DYNLL2: variants seen among roughly 807,000 people sequenced by gnomAD.
DYNLL2 encodes the protein dynein light chain LC8-type 2.
In DYNLL2, 1 loss-of-function variant was observed where a neutral mutation model predicts 9.7. The observed-to-expected ratio is 0.10, with a 90% CI of 0.04 to 0.49. The LOEUF is 0.49. Ranked by LOEUF, DYNLL2 falls within the 20% of genes least tolerant of loss-of-function variation. The probability of loss-of-function intolerance (pLI) is 0.95; values close to 1 mark genes in which losing one functional copy is unlikely to be tolerated. For missense variants in DYNLL2, 37 were observed against 115.2 expected, an observed-to-expected ratio of 0.32 and a Z score of 3.11; for synonymous variants, 35 against 40.5, an observed-to-expected ratio of 0.86 and a Z score of 0.52.
chr17:58,085,862 T>C (rs1427970870), intron 1 of DYNLL2, among the ~76,000 whole-genome samples: 1 of 152,236 alleles, frequency 6.6e-6, no homozygotes, highest in Admixed American at 6.5e-5. Context: ...AATAAGATAT[T>C]GTCTCCTAAC....
Position 58,094,249 on chromosome 17 carries a change from T to C in DYNLL2, c.*4970T>C, listed in dbSNP as rs1005415884. The stretch of plus-strand genomic sequence containing the variant: ...TTGATCTCTCAGATCCTCGATTTCT[T>C]CATCTGTAAGATGGAAACAATATGT... On this transcript the variant is annotated 3_prime_UTR_variant, in exon 3 of 3. Coordinates refer to ENST00000579991, the MANE Select transcript of DYNLL2 (RefSeq NM_080677.3). 11 of 152,206 alleles carry C rather than the reference T, an allele frequency of 7.2e-5. No individual in the cohort carries two copies. The highest frequency in any genetic ancestry group is 1.3e-4 in the Admixed American group (2 of 15,284). 9.4% of individuals were successfully genotyped at this position (152,206 alleles called of 1,614,324 possible).
intron 1 of DYNLL2, among the ~76,000 whole-genome samples, chr17:58,084,936 C>T (rs1461060502): frequency 6.6e-6 from 1 of 152,048 alleles, no homozygotes; most frequent in Non-Finnish European, 1.5e-5. Context: ...AACCTTTCTC[C>T]CTGTGCTGCT....
In DYNLL2 at chr17:58,087,230, G is replaced by T; in HGVS notation, c.132+8G>T. 6.2e-7 allele frequency: 1 copy of T among 1,612,700 alleles called. No individual in the cohort carries two copies. Among genetic ancestry groups the T allele is most frequent in the Non-Finnish European group, 8.5e-7 (1 of 1,178,730 alleles). ...GCTGCCTATATCAAGAAGGTGTGCT[G>T]GGAGAGCTGGGACTGATGGCCAGGG... On this transcript the variant is annotated splice_region_variant and intron_variant, in intron 2 of 2. Transcript: ENST00000579991.
In DYNLL2 at chr17:58,091,995, TAC is replaced by T. The variant is rs1362460069; in HGVS notation, c.*2723_*2724del. On this transcript the variant is annotated 3_prime_UTR_variant, in exon 3 of 3. Transcript: ENST00000579991. ...CACATTCTTATGTGTAGAGCAGACA[TAC>T]ACACACTGATCAACTTTTTCCAATA... The T allele has an allele frequency of 6.6e-6, 1 of 152,140 alleles. No individual in the cohort carries two copies. The highest frequency in any genetic ancestry group is 6.5e-5 in the Admixed American group (1 of 15,274). The allele number at this position is 152,140 out of a possible 1,614,324, so 9.4% of individuals were successfully genotyped here.
chr17:58,089,160 A>G lies in DYNLL2; in HGVS notation c.151A>G (p.Asn51Asp). The G allele has an allele frequency of 6.2e-7, 1 of 1,614,096 alleles. No homozygotes were observed. The highest frequency in any genetic ancestry group is 8.5e-7 in the Non-Finnish European group (1 of 1,179,988). Reference sequence around the variant, plus strand: ...TTTTTAGGAATTTGACAAGAAATATAACCCTACCTGGCATTGTATCGTGGG... The same window carrying G: ...TTTTTAGGAATTTGACAAGAAATATGACCCTACCTGGCATTGTATCGTGGG... ...YIKKEFDKKY[N>D]PTWHCIVGRN... is the part of the protein sequence containing the mutation. Residue 51 changes from asparagine to aspartate, a missense_variant, in exon 3 of 3, where the codon AAC (asparagine) becomes GAC (aspartate). Transcript: ENST00000579991.
At chr17:58,087,951 T>C (rs1193600733) in intron 2 of DYNLL2, among the ~76,000 whole-genome samples, 1 of 152,216 alleles carries the variant, frequency 6.6e-6, no homozygotes, top group African/African-American at 2.4e-5. Context: ...TTCTCAGCTC[T>C]GGCATCCCAA....
chr17:58,092,886 C>T lies in DYNLL2; in HGVS notation c.*3607C>T, dbSNP rs561941139. 2 of 152,378 alleles carry T rather than the reference C, an allele frequency of 1.3e-5. 1 individual carries two copies. The highest frequency in any genetic ancestry group is 4.1e-4 in the South Asian group (2 of 4,832). The allele number at this position is 152,378 out of a possible 1,614,324, so 9.4% of individuals were successfully genotyped here. The stretch of plus-strand genomic sequence containing the variant: ...TTCTCTCACCTCCTTTCAGTCTTTG[C>T]TCAAACATCCTTTTATCAGAGAGGC... On this transcript the variant is annotated 3_prime_UTR_variant, in exon 3 of 3. Transcript: ENST00000579991.
rs1555582626 is a variant in DYNLL2, at chr17:58,083,458, A to AGCGAGCGG, written c.-232_-231insAGCGGGCG. 7.6e-5 allele frequency: 10 copies of AGCGAGCGG among 131,906 alleles called. No homozygotes were observed. The highest frequency in any genetic ancestry group is 2.4e-4 in the East Asian group (1 of 4,180). The allele number at this position is 131,906 out of a possible 1,614,324, so 8.2% of individuals were successfully genotyped here. On this transcript the variant is annotated 5_prime_UTR_variant, in exon 1 of 3. Transcript: ENST00000579991. ...GCGGAGCTGTGAGGCGCCAGTGCGG[A>AGCGAGCGG]GCGGGCGGGCGGGCGGGCGGCGTGA...
At chr17:58,087,038 C>T (rs1268875353) in intron 1 of DYNLL2, 44 bp from the exon 2 acceptor site, 4 of 1,605,396 alleles carry the variant, frequency 2.5e-6, no homozygotes, top group Non-Finnish European at 3.4e-6. Flanking sequence ...GTTCACTGCC[C>T]AGAGCAAGGA....
At position 58,083,428 on chromosome 17, in the gene DYNLL2, G is replaced by A. The variant is rs1374969587; in HGVS notation, c.-265G>A. ...CGCGTCGGCCGCGCTCAGCGGCAGA[G>A]CGGAGCGGAGCTGTGAGGCGCCAGT... On this transcript the variant is annotated 5_prime_UTR_variant, in exon 1 of 3. Transcript: ENST00000579991. The A allele has an allele frequency of 6.8e-6, 1 of 147,808 alleles. No homozygotes were observed. The highest frequency in any genetic ancestry group is 1.5e-5 in the Non-Finnish European group (1 of 66,208). 9.2% of individuals were successfully genotyped at this position (147,808 alleles called of 1,614,324 possible). A position where few individuals can be genotyped will look rare whatever the true frequency, so the allele number is the denominator to read the frequency against.
At chr17:58,085,819 G>C (rs1308012232) in intron 1 of DYNLL2, among the ~76,000 whole-genome samples, 3 of 152,136 alleles carry the variant, frequency 2.0e-5, no homozygotes, top group African/African-American at 4.8e-5. Flanking sequence ...TGTTTTTTTA[G>C]GGGAAGGAAG....
At position 58,089,437 on chromosome 17, in the gene DYNLL2, C is replaced by T; in HGVS notation, c.*158C>T. 2 of 897,668 alleles carry T rather than the reference C, an allele frequency of 2.2e-6. No individual in the cohort carries two copies. The highest frequency in any genetic ancestry group is 3.2e-6 in the Non-Finnish European group (2 of 628,982). The allele number at this position is 897,668 out of a possible 1,614,324, so 55.6% of individuals were successfully genotyped here. On this transcript the variant is annotated 3_prime_UTR_variant, in exon 3 of 3. Coordinates refer to ENST00000579991, the MANE Select transcript of DYNLL2 (RefSeq NM_080677.3). ...GATTTCATGTGTATGTCGCAGTAAACAAAACCAAACCTCTTTCTGTTTAGT... is the reference window on the plus strand; with the variant it reads ...GATTTCATGTGTATGTCGCAGTAAATAAAACCAAACCTCTTTCTGTTTAGT...
Position 58,089,273 on chromosome 17 carries a change from A to G in DYNLL2, c.264A>G (p.Ser88=). ...LGQVAILLFK[S]G is the part of the protein sequence containing the mutation. The stretch of plus-strand genomic sequence containing the variant: ...AAGTTGCAATCCTCCTCTTCAAGTC[A>G]GGCTAGGTGGCCATGGTGAAGGTGT... The change falls in exon 3 of 3, where the codon TCA becomes TCG. Residue 88 remains serine (S), a synonymous_variant. Coordinates refer to ENST00000579991, the MANE Select transcript of DYNLL2 (RefSeq NM_080677.3). 3 of 1,612,870 alleles carry G rather than the reference A, an allele frequency of 1.9e-6. No homozygotes were observed. The highest frequency in any genetic ancestry group is 2.5e-6 in the Non-Finnish European group (3 of 1,179,324).
chr17:58,086,832 T>C (rs2075761720), intron 1 of DYNLL2, among the ~76,000 whole-genome samples: 1 of 152,152 alleles, frequency 6.6e-6, no homozygotes, highest in African/African-American at 2.4e-5. Context: ...AATTTTAGAG[T>C]TGGAAAATCT....
intron 1 of DYNLL2, among the ~76,000 whole-genome samples, chr17:58,085,063 A>G (rs1246124594): frequency 6.6e-6 from 1 of 152,240 alleles, no homozygotes; most frequent in Non-Finnish European, 1.5e-5. Context: ...TTCCTTGAAC[A>G]GGGTTCTCCG....
chr17:58,087,425 GGTGTGTGT>G (rs34847794), intron 2 of DYNLL2, among the ~76,000 whole-genome samples: 5 of 150,896 alleles, frequency 3.3e-5, no homozygotes, highest in African/African-American at 7.3e-5. Flanking sequence ...AGCTCTGCCA[GGTGTGTGT>G]GTGTGTGTGT....
Position 58,083,682 on chromosome 17 carries a change from AGGTGAGC to A in DYNLL2, c.-10+4_-10+10del. 1 of 152,504 alleles carries A rather than the reference AGGTGAGC, an allele frequency of 6.6e-6. No homozygotes were observed. Among genetic ancestry groups the A allele is most frequent in the South Asian group, 2.1e-4 (1 of 4,874 alleles). 9.4% of individuals were successfully genotyped at this position (152,504 alleles called of 1,614,324 possible). A position where few individuals can be genotyped will look rare whatever the true frequency, so the allele number is the denominator to read the frequency against. ...GCCCAGTGCGGACTCGCCTCCGTGA[AGGTGAGC>A]GGTGGGTGGGGGCGTCCCCCGGGTG... is the stretch of plus-strand genomic sequence containing the variant. On this transcript the variant is annotated splice_donor_variant and splice_donor_5th_base_variant and 5_prime_UTR_variant and intron_variant, in exon 1 of 3. Coordinates refer to ENST00000579991, the MANE Select transcript of DYNLL2 (RefSeq NM_080677.3). LOFTEE classifies it low-confidence loss of function (5UTR_SPLICE).
chr17:58,088,990 T>C, intron 2 of DYNLL2, 152 bp from the exon 3 acceptor site: 1 of 863,942 alleles, frequency 1.2e-6, no homozygotes, highest in East Asian at 2.6e-5. Flanking sequence ...ACCTGAGCTT[T>C]TGAGGTTCGG....
rs563038712 is a variant in DYNLL2, at chr17:58,091,746, G to A, written c.*2467G>A. The A allele has an allele frequency of 1.8e-4, 27 of 152,250 alleles. No individual in the cohort carries two copies. Among genetic ancestry groups the A allele is most frequent in the African/African-American group, 6.5e-4 (27 of 41,548 alleles). The allele number at this position is 152,250 out of a possible 1,614,324, so 9.4% of individuals were successfully genotyped here. Reference sequence around the variant, plus strand: ...CCTCTGTTGCCCAGACACACAACTCGAGAAATCAGCAGTGCCAAGACTTCT... The same window carrying A: ...CCTCTGTTGCCCAGACACACAACTCAAGAAATCAGCAGTGCCAAGACTTCT... On this transcript the variant is annotated 3_prime_UTR_variant, in exon 3 of 3. Transcript: ENST00000579991.
Sources: allele counts gnomAD v4.1 joint callset (sites outside exome capture counted in the v4.1 genomes callset), GRCh38; gene constraint gnomAD v4.1.1; transcripts MANE v1.5; gene names NCBI Gene and HGNC (gene_info 2026-07-23, HGNC 2026-07-21).